The following POU6F2 variants were observed in gnomAD, a reference collection of about 807,000 sequenced individuals.
POU6F2 encodes the protein POU class 6 homeobox 2.
A neutral mutation model predicts 71.3 loss-of-function variants in POU6F2; 31 were observed. That is an observed-to-expected ratio of 0.43 (90% CI 0.33 to 0.59). The LOEUF is 0.59. Among genes scored for constraint, POU6F2 ranks in the 20% least tolerant of loss-of-function variants. The pLI, the probability that POU6F2 is intolerant of heterozygous loss-of-function variation, is 0.04. For synonymous variants in POU6F2, 347 were observed against 355.7 expected (o/e 0.98, Z 0.27); for missense variants, 783 against 856.8 (o/e 0.91, Z 1.07).
intron 1 of POU6F2, among the ~76,000 whole-genome samples, chr7:39,031,322 G>A (rs754367047): frequency 1.3e-5 from 2 of 152,156 alleles, no homozygotes; most frequent in Non-Finnish European, 1.5e-5. Context: ...AAAATGATCT[G>A]TAAGCCATTT....
intron 2 of POU6F2, among the ~76,000 whole-genome samples, chr7:39,134,413 C>T (rs865964084): frequency 1.5e-4 from 23 of 152,184 alleles, no homozygotes; most frequent in African/African-American, 4.8e-4. Context: ...TGGAGCCACA[C>T]TTTCAGAACC....
chr7:39,019,023 G>T (rs2128706198), intron 1 of POU6F2, among the ~76,000 whole-genome samples: 1 of 151,984 alleles, frequency 6.6e-6, no homozygotes, highest in Non-Finnish European at 1.5e-5. Flanking sequence ...CTTTCATTTT[G>T]TAGCCTTATT....
intron 4 of POU6F2, among the ~76,000 whole-genome samples, chr7:39,232,466 C>T (rs1007628108): frequency 6.6e-6 from 1 of 152,158 alleles, no homozygotes; most frequent in Admixed American, 6.5e-5. Flanking sequence ...AAGGAGGTGT[C>T]TCTAAAAAGA....
intron 4 of POU6F2, among the ~76,000 whole-genome samples, chr7:39,309,340 G>A (rs895277915): frequency 6.6e-6 from 1 of 152,222 alleles, no homozygotes; most frequent in Admixed American, 6.5e-5. Context: ...TTTGCTCTCT[G>A]TCCTCTCTCT....
chr7:39,452,420 G>A (rs995398634), intron 8 of POU6F2, among the ~76,000 whole-genome samples: 24 of 152,186 alleles, frequency 1.6e-4, no homozygotes, highest in Non-Finnish European at 2.8e-4. Context: ...TGTCAGTCAC[G>A]TTTAGTGCAG....
intron 4 of POU6F2, among the ~76,000 whole-genome samples, chr7:39,317,341 G>A (rs1412153260): frequency 2.0e-5 from 3 of 152,216 alleles, no homozygotes; most frequent in African/African-American, 2.4e-5. Flanking sequence ...AGAGGGAGCT[G>A]TGTCCTTTCT....
intron 5 of POU6F2, among the ~76,000 whole-genome samples, chr7:39,377,875 T>C (rs1786741986): frequency 6.6e-6 from 1 of 152,186 alleles, no homozygotes; most frequent in Non-Finnish European, 1.5e-5. Flanking sequence ...ATAACCTGCA[T>C]AAGAGCCACA....
At chr7:39,193,440 G>C (rs1396872846) in intron 2 of POU6F2, among the ~76,000 whole-genome samples, 1 of 152,170 alleles carries the variant, frequency 6.6e-6, no homozygotes, top group East Asian at 1.9e-4. Context: ...TGATATTGGT[G>C]ATTTATTGTG....
intron 2 of POU6F2, among the ~76,000 whole-genome samples, chr7:39,192,473 A>G (rs969585851): frequency 1.3e-5 from 2 of 152,242 alleles, no homozygotes; most frequent in African/African-American, 4.8e-5. Context: ...GGAAAAGTAA[A>G]GATATGGATA....
At chr7:39,294,922 T>A (rs1784819674) in intron 4 of POU6F2, among the ~76,000 whole-genome samples, 1 of 152,140 alleles carries the variant, frequency 6.6e-6, no homozygotes. Flanking sequence ...GGGACTTATG[T>A]TGAAAGACAC....
intron 6 of POU6F2, among the ~76,000 whole-genome samples, chr7:39,418,580 C>T (rs1787739044): frequency 6.6e-6 from 1 of 151,770 alleles, no homozygotes; most frequent in Non-Finnish European, 1.5e-5. Context: ...GTCCCAGCTA[C>T]TTGGGAAGCT....
chr7:39,405,331 G>C (rs2115890013), intron 5 of POU6F2, among the ~76,000 whole-genome samples: 1 of 152,164 alleles, frequency 6.6e-6, no homozygotes, highest in South Asian at 2.1e-4. Flanking sequence ...AAGGGAAGAA[G>C]GAAAAGAGAG....
At chr7:39,087,471 A>G (rs1320021429) in intron 2 of POU6F2, among the ~76,000 whole-genome samples, 1 of 152,132 alleles carries the variant, frequency 6.6e-6, no homozygotes, top group Non-Finnish European at 1.5e-5. Context: ...TGCACATTAG[A>G]GTTTTAGCAT....
intron 5 of POU6F2, among the ~76,000 whole-genome samples, chr7:39,388,461 T>A (rs1583567313): frequency 6.6e-6 from 1 of 152,028 alleles, no homozygotes; most frequent in Non-Finnish European, 1.5e-5. Context: ...GACTACAGGC[T>A]CCCGCCACCA....
At chr7:39,257,806 T>C (rs532197870) in intron 4 of POU6F2, among the ~76,000 whole-genome samples, 24 of 151,424 alleles carry the variant, frequency 1.6e-4, no homozygotes, top group Non-Finnish European at 2.5e-4. Context: ...TGTGTGCCCA[T>C]TGAGGCAGGG....
intron 5 of POU6F2, among the ~76,000 whole-genome samples, chr7:39,373,000 G>A (rs902543441): frequency 1.3e-5 from 2 of 152,186 alleles, no homozygotes; most frequent in African/African-American, 4.8e-5. Flanking sequence ...GCAGACTGAA[G>A]CCTGACTGCT....
intron 4 of POU6F2, among the ~76,000 whole-genome samples, chr7:39,264,776 A>G (rs1337897229): frequency 6.6e-6 from 1 of 152,248 alleles, no homozygotes; most frequent in Non-Finnish European, 1.5e-5. Context: ...ATATGCATAT[A>G]TACATACATA....
intron 4 of POU6F2, among the ~76,000 whole-genome samples, chr7:39,257,490 T>A (rs1240853064): frequency 3.2e-4 from 49 of 152,294 alleles, no homozygotes; most frequent in Admixed American, 3.1e-3. Context: ...GTTTGTTATC[T>A]AGAAACAAAA....
intron 2 of POU6F2, among the ~76,000 whole-genome samples, chr7:39,130,179 TG>T (rs1318113006): frequency 1.3e-3 from 192 of 147,726 alleles, no homozygotes; most frequent in African/African-American, 4.4e-3. Context: ...TGTGTGTGTG[TG>T]TTTTAATGTC....
Sources: gnomAD v4.1 joint callset for allele counts (sites outside exome capture counted in the v4.1 genomes callset) on GRCh38, gnomAD v4.1.1 for gene constraint, MANE v1.5 for transcripts, NCBI Gene and HGNC (gene_info 2026-07-23, HGNC 2026-07-21) for gene names.